Variants in DLC1 observed in about 807,000 individuals in gnomAD.
DLC1 encodes the protein rho GTPase-activating protein 7.
A neutral mutation model predicts 140.3 loss-of-function variants in DLC1; 54 were observed. The ratio of observed to expected loss-of-function variants is 0.38; its 90% CI spans 0.31 to 0.48. The LOEUF is 0.48. Ranked by LOEUF, DLC1 falls within the 20% of genes least tolerant of loss-of-function variation. DLC1 has a pLI of 0.96. For missense variants in DLC1, 2,536 were observed against 1,907.0 expected (o/e 1.33, Z -6.14); for synonymous variants, 986 against 728.1 (o/e 1.35, Z -5.70).
intron 4 of DLC1, among the ~76,000 whole-genome samples, chr8:13,355,635 C>T (rs1671431): frequency 0.91 from 138,811 of 152,176 alleles, 63,408 homozygotes; most frequent in East Asian, 0.99. Flanking sequence ...ACAATTACAT[C>T]TGGGGTTAGG....
chr8:13,271,276 C>A (rs962300629), intron 5 of DLC1, among the ~76,000 whole-genome samples: 2 of 152,194 alleles, frequency 1.3e-5, no homozygotes, highest in African/African-American at 4.8e-5. Flanking sequence ...CTACATCACT[C>A]ATGGTTAAAA....
intron 5 of DLC1, among the ~76,000 whole-genome samples, chr8:13,200,579 A>G (rs1411930613): frequency 6.6e-6 from 1 of 152,070 alleles, no homozygotes; most frequent in African/African-American, 2.4e-5. Context: ...GAGACTGATT[A>G]CAATTTTTGT....
At chr8:13,542,083 A>G (rs555001218) in intron 1 of DLC1, among the ~76,000 whole-genome samples, 1 of 152,232 alleles carries the variant, frequency 6.6e-6, no homozygotes, top group East Asian at 1.9e-4. Context: ...CCAGTTTAAC[A>G]TTTTTTATCT....
At chr8:13,157,115 C>T (rs544387050) in intron 5 of DLC1, among the ~76,000 whole-genome samples, 3 of 152,286 alleles carry the variant, frequency 2.0e-5, no homozygotes, top group South Asian at 4.1e-4. Context: ...ACTTAATTAC[C>T]TAAGCCATAA....
chr8:13,214,729 T>A (rs755502679), intron 5 of DLC1: 4 of 780,924 alleles, frequency 5.1e-6, no homozygotes, highest in Non-Finnish European at 9.6e-6. Context: ...ATTGGATCCC[T>A]TTGTGCTCTT....
At chr8:13,518,102 TTTTTTG>T (rs56411512), upstream of DLC1, among the ~76,000 whole-genome samples, 4 of 149,372 alleles carry the variant, frequency 2.7e-5, no homozygotes, top group African/African-American at 7.5e-5. Flanking sequence ...CACCTTTCTT[TTTTTTG>T]TTTTTGTTTT....
At chr8:13,405,443 A>C (rs1256106191) in intron 2 of DLC1, among the ~76,000 whole-genome samples, 1 of 152,202 alleles carries the variant, frequency 6.6e-6, no homozygotes. Context: ...TGGACACTTC[A>C]CTCAACACCA....
chr8:13,115,253 C>T (rs1820450478), intron 6 of DLC1, among the ~76,000 whole-genome samples: 1 of 152,146 alleles, frequency 6.6e-6, no homozygotes, highest in Non-Finnish European at 1.5e-5. Context: ...ACACACTACC[C>T]TTTTTATAAA....
chr8:13,396,104 G>C (rs2117228113), intron 3 of DLC1, among the ~76,000 whole-genome samples: 1 of 137,860 alleles, frequency 7.3e-6, no homozygotes, highest in East Asian at 2.1e-4. Flanking sequence ...CTGTTGCCCA[G>C]GCTGGAGTGC....
At chr8:13,410,416 A>G (rs1319884453) in intron 2 of DLC1, among the ~76,000 whole-genome samples, 2 of 152,174 alleles carry the variant, frequency 1.3e-5, no homozygotes, top group African/African-American at 4.8e-5. Context: ...AGAGATGATT[A>G]TATTACAAAG....
upstream of DLC1, among the ~76,000 whole-genome samples, chr8:13,517,294 T>C (rs1180479394): frequency 6.6e-6 from 1 of 152,160 alleles, no homozygotes; most frequent in Non-Finnish European, 1.5e-5. Context: ...CCCCGCGCCA[T>C]ATACTTTAGT....
At chr8:13,171,209 T>C (rs375494607) in intron 5 of DLC1, among the ~76,000 whole-genome samples, 4 of 152,316 alleles carry the variant, frequency 2.6e-5, no homozygotes, top group African/African-American at 9.6e-5. Flanking sequence ...AATTAACGTG[T>C]CACGGGTTTT....
intron 1 of DLC1, among the ~76,000 whole-genome samples, chr8:13,561,207 C>T (rs566174649): frequency 1.3e-5 from 2 of 151,562 alleles, no homozygotes; most frequent in African/African-American, 2.4e-5. Context: ...ACTGCAGCCT[C>T]GTACTTCTGA....
intron 1 of DLC1, among the ~76,000 whole-genome samples, chr8:13,587,524 G>C (rs948619479): frequency 2.0e-4 from 28 of 143,588 alleles, no homozygotes; most frequent in Non-Finnish European, 3.4e-4. Context: ...ATAAAGCTTT[G>C]AACAGCACAA....
intron 2 of DLC1, among the ~76,000 whole-genome samples, chr8:13,408,804 T>A (rs1043153219): frequency 1.3e-5 from 2 of 152,164 alleles, no homozygotes; most frequent in African/African-American, 4.8e-5. Flanking sequence ...TTATTTTTAT[T>A]TTTTACAATA....
chr8:13,358,022 G>C (rs1563281544), intron 4 of DLC1, among the ~76,000 whole-genome samples: 2 of 152,110 alleles, frequency 1.3e-5, no homozygotes, highest in Non-Finnish European at 2.9e-5. Flanking sequence ...AGATAAAACT[G>C]TATAAAATTA....
chr8:13,480,004 T>C (rs1235725556), intron 2 of DLC1, among the ~76,000 whole-genome samples: 1 of 152,158 alleles, frequency 6.6e-6, no homozygotes, highest in Non-Finnish European at 1.5e-5. Context: ...AGGTGGGGGC[T>C]GCAGTGAGCT....
intron 5 of DLC1, among the ~76,000 whole-genome samples, chr8:13,290,199 C>A (rs1233103276): frequency 1.3e-5 from 2 of 152,148 alleles, no homozygotes; most frequent in African/African-American, 4.8e-5. Flanking sequence ...TTGCCGTACA[C>A]ACTTTGAAGT....
At chr8:13,441,090 A>C (rs1451674278) in intron 2 of DLC1, among the ~76,000 whole-genome samples, 3 of 152,198 alleles carry the variant, frequency 2.0e-5, no homozygotes, top group Non-Finnish European at 4.4e-5. Flanking sequence ...CACTACGAAG[A>C]ATTTCATTCA....
Sources: gnomAD v4.1 joint callset for allele counts (sites outside exome capture counted in the v4.1 genomes callset) on GRCh38, gnomAD v4.1.1 for gene constraint, MANE v1.5 for transcripts, NCBI Gene and HGNC (gene_info 2026-07-23, HGNC 2026-07-21) for gene names.